DEPDC5: variants seen among roughly 807,000 people sequenced by gnomAD.
The protein encoded by DEPDC5 is DEP domain containing 5, GATOR1 subcomplex subunit.
DEPDC5 carries 73 observed loss-of-function variants against 217.3 expected under a neutral mutation model. The ratio of observed to expected loss-of-function variants is 0.34; its 90% CI spans 0.28 to 0.41. The LOEUF (loss-of-function observed/expected upper bound fraction) is 0.41. Among genes scored for constraint, DEPDC5 ranks in the 10% least tolerant of loss-of-function variants. The pLI is 1.00. For missense variants in DEPDC5, 1,675 were observed against 2,070.1 expected, an observed-to-expected ratio of 0.81 and a Z score of 3.70; for synonymous variants, 733 against 756.7, an observed-to-expected ratio of 0.97 and a Z score of 0.51.
intron 39 of DEPDC5, among the ~76,000 whole-genome samples, chr22:31,896,246 TGTCCACATTTGTTA>T (rs1386518364): frequency 2.0e-5 from 3 of 152,208 alleles, no homozygotes; most frequent in Non-Finnish European, 4.4e-5. Flanking sequence ...TTTAAGGCAA[TGTCCACATTTGTTA>T]AAAATCAGAT....
At chr22:31,791,456 G>C (rs1156740052) in intron 10 of DEPDC5, among the ~76,000 whole-genome samples, 1 of 151,568 alleles carries the variant, frequency 6.6e-6, no homozygotes, top group Non-Finnish European at 1.5e-5. Context: ...GGCCAACATG[G>C]TGAAACCCTG....
rs182106402 is a variant in DEPDC5 at position 31,768,734 on chromosome 22, A to G, written c.364-80A>G. ...TTGTTTGTGATTTTTCATGGCCTTA[A>G]TATGTTAATCAATCTCTCTCTCTTT... is the stretch of plus-strand genomic sequence containing the variant. On this transcript the variant is annotated intron_variant, in intron 6 of 42. Transcript: ENST00000651528. 4.3e-3 allele frequency: 5,392 copies of G among 1,247,664 alleles called. 21 individuals are homozygous for G. The highest frequency in any genetic ancestry group is 5.7e-3 in the Non-Finnish European group (5,023 of 873,916). The allele number at this position is 1,247,664 out of a possible 1,614,324, so 77.3% of individuals were successfully genotyped here.
rs371511498 is a variant in DEPDC5 at position 31,792,766 on chromosome 22, G to C, written c.716G>C (p.Arg239Pro). The stretch of plus-strand genomic sequence containing the variant: ...TCAGATGAATTTCCTGAAATAAACC[G>C]AGCCTCAATTCGACAGGATCACAAG... The part of the protein sequence containing the change: ...KSVDEFPEIN[R>P]ASIRQDHKGR... Residue 239 changes from arginine (R) to proline (P), a missense_variant, in exon 12 of 43, where the codon CGA becomes CCA. Arg to Pro is a moderately radical substitution (Grantham distance 103). Around this residue, in one of 11 missense-constraint regions of DEPDC5, gnomAD observed 628 missense variants for 762.1 expected, o/e 0.82. Transcript: ENST00000651528. 9.7e-6 allele frequency: 15 copies of C among 1,551,162 alleles called. No individual in the cohort carries two copies. Among genetic ancestry groups the C allele is most frequent in the South Asian group, 3.8e-5 (3 of 78,420 alleles).
intron 3 of DEPDC5, among the ~76,000 whole-genome samples, chr22:31,760,311 G>A (rs1415837419): frequency 1.3e-5 from 2 of 149,308 alleles, no homozygotes; most frequent in Admixed American, 6.7e-5. Context: ...CTCATGATCC[G>A]CCCGTCTCGG....
At chr22:31,785,372 A>G (rs2084878335) in intron 10 of DEPDC5, among the ~76,000 whole-genome samples, 1 of 152,216 alleles carries the variant, frequency 6.6e-6, no homozygotes, top group African/African-American at 2.4e-5. Context: ...AGCAATAAAC[A>G]ATCTGAAAGA....
chr22:31,844,514 TG>T (rs2091600296), intron 29 of DEPDC5, among the ~76,000 whole-genome samples: 1 of 152,168 alleles, frequency 6.6e-6, no homozygotes, highest in East Asian at 1.9e-4. Flanking sequence ...CAGTGCAGAT[TG>T]CCTTCTTAAC....
intron 41 of DEPDC5, among the ~76,000 whole-genome samples, chr22:31,904,879 A>G (rs1047161987): frequency 6.6e-5 from 10 of 152,214 alleles, no homozygotes; most frequent in African/African-American, 2.4e-4. Flanking sequence ...AAATTATGGA[A>G]TGCAGATTAT....
intron 3 of DEPDC5, 30 bp downstream of exon 3, chr22:31,758,663 G>A: frequency 1.3e-6 from 2 of 1,593,906 alleles, no homozygotes; most frequent in African/African-American, 1.3e-5. Context: ...CATGGAACTG[G>A]GCAATTCACT....
intron 40 of DEPDC5, among the ~76,000 whole-genome samples, chr22:31,899,047 A>G (rs2093603248): frequency 6.6e-6 from 1 of 151,996 alleles, no homozygotes; most frequent in Non-Finnish European, 1.5e-5. Flanking sequence ...CTGTCCAAAG[A>G]CTCTTTGGGG....
chr22:31,779,818 T>C (rs2084244679), intron 8 of DEPDC5, among the ~76,000 whole-genome samples: 1 of 152,098 alleles, frequency 6.6e-6, no homozygotes, highest in Admixed American at 6.6e-5. Context: ...ATCCTCAGGG[T>C]AGGAATTCCA....
intron 7 of DEPDC5, among the ~76,000 whole-genome samples, chr22:31,772,031 C>T (rs1000234275): frequency 6.6e-6 from 1 of 151,950 alleles, no homozygotes; most frequent in Non-Finnish European, 1.5e-5. Flanking sequence ...CATTCTGCTG[C>T]CTTCTAGCCT....
At chr22:31,819,426 G>T (rs2089466359) in intron 22 of DEPDC5, among the ~76,000 whole-genome samples, 1 of 151,490 alleles carries the variant, frequency 6.6e-6, no homozygotes, top group Non-Finnish European at 1.5e-5. Context: ...TAACTAATTA[G>T]CTGTATAAAC....
rs778673658 is a variant in DEPDC5, at chr22:31,809,615, C to T, written c.1292C>T (p.Ala431Val). 6.2e-7 allele frequency: 1 copy of T among 1,613,874 alleles called. No homozygotes were observed. The highest frequency in any genetic ancestry group is 2.2e-5 in the East Asian group (1 of 44,896). Residue 431 changes from alanine (A) to valine (V), a missense_variant, in exon 19 of 43, where the codon GCC becomes GTC. By Grantham distance (64) the Ala-to-Val change is moderately conservative (BLOSUM62 0). Around this residue, in one of 11 missense-constraint regions of DEPDC5, gnomAD observed 628 missense variants for 762.1 expected, o/e 0.82. Coordinates refer to ENST00000651528, the MANE Select transcript of DEPDC5 (RefSeq NM_001242896.3). ...PRIKLAGKKP[A>V]SEKAKNGRDT... is the part of the protein sequence containing the mutation. ...ATTATCTATTTAATTTTTCAGCCCGCCTCTGAGAAAGCAAAAAATGGCCGT... is the reference window on the plus strand; with the variant it reads ...ATTATCTATTTAATTTTTCAGCCCGTCTCTGAGAAAGCAAAAAATGGCCGT...
At position 31,863,409 on chromosome 22, in the gene DEPDC5, C is replaced by G. The variant is rs1280295783; in HGVS notation, c.3330+1976C>G. Among the ~76,000 whole-genome samples the G allele has an allele frequency of 2.6e-5, 4 of 152,298 alleles. No individual in the cohort carries two copies. The East Asian group carries it at 7.7e-4, about 29-fold the overall frequency. ...CTTGAACTCCTGACCTCAGGTGATA[C>G]GCCCACCTTGGCCTCTGAAAGTGCT... On this transcript the variant is annotated intron_variant, in intron 33 of 42. Coordinates refer to ENST00000651528, the MANE Select transcript of DEPDC5 (RefSeq NM_001242896.3).
chr22:31,890,391 A>G (rs2093414343), intron 38 of DEPDC5: 1 of 152,186 alleles, frequency 6.6e-6, no homozygotes, highest in Non-Finnish European at 1.5e-5. Flanking sequence ...CATAGACATC[A>G]CTACTGAAAA....
chr22:31,831,660 C>T (rs984533596), intron 24 of DEPDC5, among the ~76,000 whole-genome samples: 4 of 152,120 alleles, frequency 2.6e-5, no homozygotes, highest in Admixed American at 2.0e-4. Context: ...GAGGTTTCAC[C>T]ATGTTGGCCA....
intron 2 of DEPDC5, among the ~76,000 whole-genome samples, chr22:31,755,796 A>G (rs2075276982): frequency 1.3e-5 from 2 of 152,068 alleles, no homozygotes; most frequent in South Asian, 4.1e-4. Flanking sequence ...ATAATTTTCC[A>G]TTCTGTCTTA....
At chr22:31,767,567 T>G (rs912982238) in intron 6 of DEPDC5, among the ~76,000 whole-genome samples, 2 of 152,044 alleles carry the variant, frequency 1.3e-5, no homozygotes, top group African/African-American at 4.8e-5. Context: ...AGTGCTGGGA[T>G]TACAGGCGTG....
At chr22:31,884,033 A>G (rs1003189643) in intron 38 of DEPDC5, among the ~76,000 whole-genome samples, 2 of 152,030 alleles carry the variant, frequency 1.3e-5, no homozygotes, top group African/African-American at 4.8e-5. Context: ...CCCACCTCAC[A>G]TCTCACTTTA....
Sources: gnomAD v4.1 joint callset for allele counts (sites outside exome capture counted in the v4.1 genomes callset) on GRCh38, gnomAD v4.1.1 for gene constraint, gnomAD v4.1.1 regional missense constraint, MANE v1.5 for transcripts, NCBI Gene and HGNC (gene_info 2026-07-23, HGNC 2026-07-21) for gene names.